The following FOXM1 variants were observed in gnomAD, a reference collection of about 807,000 sequenced individuals.
FOXM1 encodes the protein forkhead box M1, also known as forkhead box protein M1.
Under a neutral mutation model 63.6 loss-of-function variants are expected in FOXM1, and 25 were observed. That is an observed-to-expected ratio of 0.39 (90% CI 0.29 to 0.55). The LOEUF (loss-of-function observed/expected upper bound fraction) is 0.55, where lower values mean the gene tolerates loss of function less well. Among genes scored for constraint, FOXM1 ranks in the 20% least tolerant of loss-of-function variants. The probability of loss-of-function intolerance (pLI) is 0.60; values close to 1 mark genes in which losing one functional copy is unlikely to be tolerated. For missense variants in FOXM1, 879 were observed against 958.7 expected, an observed-to-expected ratio of 0.92 and a Z score of 1.10; for synonymous variants, 387 against 376.9, an observed-to-expected ratio of 1.03 and a Z score of -0.31.
chr12:2,858,677 G>A lies in FOXM1; in HGVS notation c.2253C>T (p.Asp751=). Residue 751 remains aspartate (D), a synonymous_variant, in exon 9 of 9, where the codon GAC becomes GAT. Coordinates refer to ENST00000359843, the MANE Select transcript of FOXM1 (RefSeq NM_021953.4). ...GAATAAACTGGGACCAGTTGATGTT[G>A]TCAGGGCCCAGTGGGTCCTCGTCCA... ...PGLDEDPLGP[D]NINWSQFIPE... 2.5e-6 allele frequency: 4 copies of A among 1,614,170 alleles called. No individual in the cohort carries two copies. The highest frequency in any genetic ancestry group is 3.4e-6 in the Non-Finnish European group (4 of 1,180,014).
intron 8 of FOXM1, chr12:2,861,346 C>G (rs376994302): frequency 2.7e-6 from 2 of 740,686 alleles, no homozygotes; most frequent in Non-Finnish European, 2.5e-6. Flanking sequence ...ATGGGTGTAC[C>G]AAAATCTCGC....
At chr12:2,875,856 G>T (rs1430209454) in intron 1 of FOXM1, among the ~76,000 whole-genome samples, 1 of 150,934 alleles carries the variant, frequency 6.6e-6, no homozygotes, top group Non-Finnish European at 1.5e-5. Flanking sequence ...GGCCTCCCGG[G>T]TTCAAGCGAT....
Position 2,874,354 on chromosome 12 carries a change from T to C in FOXM1, c.125A>G (p.Asn42Ser). 1 of 1,614,132 alleles carries C rather than the reference T, an allele frequency of 6.2e-7. No individual in the cohort carries two copies. The highest frequency in any genetic ancestry group is 8.5e-7 in the Non-Finnish European group (1 of 1,180,016). Residue 42 changes from asparagine to serine, a missense_variant, in exon 2 of 9, where the codon AAT becomes AGT. Asn to Ser is a conservative substitution (Grantham distance 46). Coordinates refer to ENST00000359843, the MANE Select transcript of FOXM1 (RefSeq NM_021953.4). The surrounding 1 kb of genome is among the most constrained non-coding windows in gnomAD (Gnocchi z 4.3). The part of the protein sequence containing the change: ...PKRSPAQQES[N>S]QAEASKEVAE... ...CACTTCCTTGGAGGCCTCTGCTTGATTAGACTCCTGTTGGGCAGGGGATCT... is the reference window on the plus strand; with the variant it reads ...CACTTCCTTGGAGGCCTCTGCTTGACTAGACTCCTGTTGGGCAGGGGATCT...
rs977320273 is a variant in FOXM1 at position 2,872,608 on chromosome 12, T to C, written c.503-361A>G. Reference sequence around the variant, plus strand: ...TGAGTGAGACTCTGTCTCAGAAAAATAAAAAATAAAAAAGAAAGAATTGGT... The same window carrying C: ...TGAGTGAGACTCTGTCTCAGAAAAACAAAAAATAAAAAAGAAAGAATTGGT... On this transcript the variant is annotated intron_variant, in intron 2 of 8. Coordinates refer to ENST00000359843, the MANE Select transcript of FOXM1 (RefSeq NM_021953.4). This position sits in a 1 kb window ranked among gnomAD's most constrained non-coding sequence, Gnocchi z 4.0. Among the ~76,000 whole-genome samples the C allele has an allele frequency of 6.6e-5, 10 of 151,036 alleles. No individual in the cohort carries two copies. The highest frequency in any genetic ancestry group is 2.4e-4 in the African/African-American group (10 of 41,160).
In FOXM1 at chr12:2,859,310, C is replaced by CT; in HGVS notation, c.1619dup (p.Arg541GlufsTer17). ...GCTGTTTTCTCCGAGACCGGCTCCT[C>CT]TCCCTCCTCTCCCTGTGTTGAATCA... is the stretch of plus-strand genomic sequence containing the variant. On this transcript the variant is annotated frameshift_variant, in exon 9 of 9. Coordinates refer to ENST00000359843, the MANE Select transcript of FOXM1 (RefSeq NM_021953.4). LOFTEE classifies it high-confidence loss of function. The CT allele has an allele frequency of 2.5e-6, 4 of 1,613,008 alleles. No individual in the cohort carries two copies. Among genetic ancestry groups the CT allele is most frequent in the Non-Finnish European group, 3.4e-6 (4 of 1,179,560 alleles).
intron 4 of FOXM1, among the ~76,000 whole-genome samples, chr12:2,867,522 C>T (rs971519019): frequency 1.3e-5 from 2 of 152,014 alleles, no homozygotes; most frequent in African/African-American, 2.4e-5. Flanking sequence ...ATTAGCCAGG[C>T]GTAGTGGCGG....
At position 2,858,875 on chromosome 12, in the gene FOXM1, G is replaced by C; in HGVS notation, c.2055C>G (p.Ile685Met). Reference protein sequence around the residue: ...RLLSSEPLDLISVPFGNSSPS... With the variant: ...RLLSSEPLDLMSVPFGNSSPS... Reference sequence around the variant, plus strand: ...GAGAAGAGTTGCCAAAGGGGACGGAGATGAGGTCTAAGGGTTCTGAACTGA... The same window carrying C: ...GAGAAGAGTTGCCAAAGGGGACGGACATGAGGTCTAAGGGTTCTGAACTGA... Residue 685 changes from isoleucine to methionine, a missense_variant, in exon 9 of 9, where the codon ATC becomes ATG. Coordinates refer to ENST00000359843, the MANE Select transcript of FOXM1 (RefSeq NM_021953.4). 2 of 1,614,134 alleles carry C rather than the reference G, an allele frequency of 1.2e-6. No homozygotes were observed. The highest frequency in any genetic ancestry group is 1.7e-6 in the Non-Finnish European group (2 of 1,180,018).
intron 8 of FOXM1, chr12:2,861,455 TA>T: frequency 1.8e-6 from 1 of 564,606 alleles, no homozygotes; most frequent in Non-Finnish European, 3.1e-6. Context: ...TAAAACATTT[TA>T]AAAAATTAAG....
chr12:2,872,298 A>AT lies in FOXM1; in HGVS notation c.503-52_503-51insA. 6.2e-7 allele frequency: 1 copy of AT among 1,600,842 alleles called. No individual in the cohort carries two copies. The highest frequency in any genetic ancestry group is 1.3e-5 in the African/African-American group (1 of 74,764). Reference sequence around the variant, plus strand: ...CACTTAGCTGCCTCATCAGATGCCCAGGTGTGTCCATCAGAATTGGTGGCT... The same window carrying AT: ...CACTTAGCTGCCTCATCAGATGCCCATGGTGTGTCCATCAGAATTGGTGGCT... On this transcript the variant is annotated intron_variant, in intron 2 of 8. Coordinates refer to ENST00000359843, the MANE Select transcript of FOXM1 (RefSeq NM_021953.4). This position sits in a 1 kb window ranked among gnomAD's most constrained non-coding sequence, Gnocchi z 4.0.
At position 2,872,159 on chromosome 12, in the gene FOXM1, G is replaced by A; in HGVS notation, c.591C>T (p.Ser197=). The change falls in exon 3 of 9, where the codon TCC becomes TCT. Residue 197 remains serine (S), a synonymous_variant. Transcript: ENST00000359843. This position sits in a 1 kb window ranked among gnomAD's most constrained non-coding sequence, Gnocchi z 4.0. ...CCTCCATCTCTTGCTTGATGCTGCG[G>A]GAGCCCAGTCCATCAGAACTCATCT... ...LRKMSSDGLG[S]RSIKQEMEEK... The A allele has an allele frequency of 6.2e-7, 1 of 1,614,172 alleles. No homozygotes were observed. The highest frequency in any genetic ancestry group is 8.5e-7 in the Non-Finnish European group (1 of 1,180,028).
chr12:2,861,314 G>C, intron 8 of FOXM1: 1 of 732,670 alleles, frequency 1.4e-6, no homozygotes. Flanking sequence ...AACAAAGAAA[G>C]ATAAAATTAA....
In FOXM1 at chr12:2,864,194, T is replaced by C. The variant is rs2098118925; in HGVS notation, c.1266+126A>G. ...ATGCTATTACACTTCCCTATGTTTTTATGCCTTTTCTACCCAACTAGATTT... is the reference window on the plus strand; with the variant it reads ...ATGCTATTACACTTCCCTATGTTTTCATGCCTTTTCTACCCAACTAGATTT... On this transcript the variant is annotated intron_variant, in intron 8 of 8. Transcript: ENST00000359843. This position sits in a 1 kb window ranked among gnomAD's most constrained non-coding sequence, Gnocchi z 5.1. 2.4e-6 allele frequency: 2 copies of C among 825,006 alleles called. No individual in the cohort carries two copies. The highest frequency in any genetic ancestry group is 1.9e-6 in the Non-Finnish European group (1 of 517,098). The allele number at this position is 825,006 out of a possible 1,614,324, so 51.1% of individuals were successfully genotyped here.
intron 4 of FOXM1, among the ~76,000 whole-genome samples, chr12:2,867,788 C>A (rs1163328570): frequency 1.3e-5 from 2 of 149,178 alleles, no homozygotes; most frequent in African/African-American, 4.9e-5. Context: ...CCAGCCTGAC[C>A]AACATGGTGA....
rs2098145913 is a variant in FOXM1 at position 2,876,940 on chromosome 12, C to A, written c.-68G>T. On this transcript the variant is annotated 5_prime_UTR_variant, in exon 1 of 9. Coordinates refer to ENST00000359843, the MANE Select transcript of FOXM1 (RefSeq NM_021953.4). Reference sequence around the variant, plus strand: ...CTCACCTCCAGACTGCAGTCGCCGCCGCCGTTAGGCCGTAGCTCCGAAGGC... The same window carrying A: ...CTCACCTCCAGACTGCAGTCGCCGCAGCCGTTAGGCCGTAGCTCCGAAGGC... 2.0e-5 allele frequency: 3 copies of A among 152,394 alleles called. No individual in the cohort carries two copies. The South Asian group carries it at 6.2e-4, about 32-fold the overall frequency. 9.4% of individuals were successfully genotyped at this position (152,394 alleles called of 1,614,324 possible). A position where few individuals can be genotyped will look rare whatever the true frequency, so the allele number is the denominator to read the frequency against.
In FOXM1 at chr12:2,858,446, GA is replaced by G. The variant is rs2098096298; in HGVS notation, c.*191del. 2 of 563,796 alleles carry G rather than the reference GA, an allele frequency of 3.5e-6. No individual in the cohort carries two copies. Among genetic ancestry groups the G allele is most frequent in the African/African-American group, 3.7e-5 (2 of 53,506 alleles). 34.9% of individuals were successfully genotyped at this position (563,796 alleles called of 1,614,324 possible). On this transcript the variant is annotated 3_prime_UTR_variant, in exon 9 of 9. Coordinates refer to ENST00000359843, the MANE Select transcript of FOXM1 (RefSeq NM_021953.4). ...CCTGGCAGGGACAGCAGAGGAATCA[GA>G]TACTCTTGGGGAACACAAGGTCCCA... is the stretch of plus-strand genomic sequence containing the variant.
chr12:2,868,225 A>AT (rs945926617), intron 4 of FOXM1: 542 of 171,400 alleles, frequency 3.2e-3, no homozygotes, highest in East Asian at 5.4e-3. Context: ...CACAGACAGC[A>AT]TTTTTTTTTT....
At chr12:2,862,280 G>A (rs576128269) in intron 8 of FOXM1, among the ~76,000 whole-genome samples, 2 of 151,810 alleles carry the variant, frequency 1.3e-5, no homozygotes, top group South Asian at 2.1e-4. Context: ...AATGGCTATC[G>A]CTATACATGT....
In FOXM1 at chr12:2,870,519, C is replaced by T. The variant is rs1047011835; in HGVS notation, c.654+1577G>A. ...CTCTACTAAAAATAAAAAAATTAGC[C>T]GGGCGTGGTGGCGGGCGCCTATAGT... On this transcript the variant is annotated intron_variant, in intron 3 of 8. Coordinates refer to ENST00000359843, the MANE Select transcript of FOXM1 (RefSeq NM_021953.4). 8.6e-5 allele frequency among the ~76,000 whole-genome samples: 13 copies of T among 151,632 alleles called. No individual in the cohort carries two copies. In the East Asian group the frequency reaches 2.1e-3, roughly 25 times the overall value.
chr12:2,874,439 G>T lies in FOXM1; in HGVS notation c.40C>A (p.Arg14=), dbSNP rs747282501. ...SPRRPLILKR[R]RLPLPVQNAP... is the part of the protein sequence containing the mutation. ...TTTTGAACAGGAAGGGGCAGCCTCCGTCTTTTGAGAATCAGTGGCCGACGG... is the reference window on the plus strand; with the variant it reads ...TTTTGAACAGGAAGGGGCAGCCTCCTTCTTTTGAGAATCAGTGGCCGACGG... The change falls in exon 2 of 9, where the codon CGG becomes AGG. Residue 14 remains arginine, a synonymous_variant. Transcript: ENST00000359843. The surrounding 1 kb of genome is among the most constrained non-coding windows in gnomAD (Gnocchi z 4.3). The T allele has an allele frequency of 2.5e-6, 4 of 1,612,604 alleles. No individual in the cohort carries two copies. The highest frequency in any genetic ancestry group is 1.3e-5 in the African/African-American group (1 of 74,796).
Sources: allele counts gnomAD v4.1 joint callset (sites outside exome capture counted in the v4.1 genomes callset), GRCh38; gene constraint gnomAD v4.1.1; non-coding constraint Gnocchi (gnomAD v3.1); transcripts MANE v1.5; gene names NCBI Gene and HGNC (gene_info 2026-07-23, HGNC 2026-07-21).